COL24A1: variants seen among roughly 807,000 people sequenced by gnomAD.
COL24A1 encodes collagen alpha-1(XXIV) chain.
A neutral mutation model predicts 253.9 loss-of-function variants in COL24A1; 224 were observed. The observed-to-expected ratio is 0.88, with a 90% confidence interval of 0.79 to 0.99. COL24A1 has a LOEUF of 0.99. COL24A1 is among the 50% of genes least tolerant of loss of function. COL24A1 has a pLI of 0.00. For missense variants in COL24A1, 2,131 were observed against 2,068.5 expected, an observed-to-expected ratio of 1.03 and a Z score of -0.59; for synonymous variants, 685 against 673.7, an observed-to-expected ratio of 1.02 and a Z score of -0.26.
At chr1:85,983,598 T>C (rs780257345) in intron 20 of COL24A1, among the ~76,000 whole-genome samples, 1 of 151,956 alleles carries the variant, frequency 6.6e-6, no homozygotes, top group African/African-American at 2.4e-5. Context: ...GACCACATTG[T>C]ATAGCCTCAA....
chr1:85,818,438 T>A (rs1673265046), intron 45 of COL24A1, among the ~76,000 whole-genome samples: 1 of 152,174 alleles, frequency 6.6e-6, no homozygotes, highest in Non-Finnish European at 1.5e-5. Context: ...CAGTAAACAT[T>A]TATTGAGTAT....
intron 5 of COL24A1, among the ~76,000 whole-genome samples, chr1:86,107,504 T>A (rs1213723460): frequency 6.7e-6 from 1 of 148,166 alleles, no homozygotes; most frequent in Non-Finnish European, 1.5e-5. Flanking sequence ...TGTGACACAA[T>A]GGTAATTTAT....
rs896223906 is a variant in COL24A1 at position 85,771,264 on chromosome 1, C to G, written c.4374+4410G>C. Among the ~76,000 whole-genome samples, 4 of 152,112 alleles carry G rather than the reference C, an allele frequency of 2.6e-5. No individual in the cohort carries two copies. In the East Asian group the frequency reaches 7.7e-4, roughly 29 times the overall value. On this transcript the variant is annotated intron_variant, in intron 53 of 59. Transcript: ENST00000370571. ...TTATCCCTCACCTAGCCTCCGACCCCCGACAGGCCCCGGTGTGTGATGTTC... is the reference window on the plus strand; with the variant it reads ...TTATCCCTCACCTAGCCTCCGACCCGCGACAGGCCCCGGTGTGTGATGTTC...
rs192519317 is a variant in COL24A1, at chr1:85,832,420, G to A, written c.3681+6165C>T. Among the ~76,000 whole-genome samples the A allele has an allele frequency of 7.1e-3, 1,077 of 151,916 alleles. 15 individuals are homozygous for A. The highest frequency in any genetic ancestry group is 0.01 in the Middle Eastern group (3 of 294). On this transcript the variant is annotated intron_variant, in intron 43 of 59. Transcript: ENST00000370571. ...ACTTGGCAATGTGGGCTCTTTTTTGGTTCCATATGAACTTTAAAGTAGTTT... is the reference window on the plus strand; with the variant it reads ...ACTTGGCAATGTGGGCTCTTTTTTGATTCCATATGAACTTTAAAGTAGTTT...
chr1:86,048,428 C>T (rs1425865114), intron 11 of COL24A1, among the ~76,000 whole-genome samples: 1 of 151,968 alleles, frequency 6.6e-6, no homozygotes, highest in Non-Finnish European at 1.5e-5. Flanking sequence ...TATTAGGACA[C>T]AGTACCCGTG....
intron 37 of COL24A1, among the ~76,000 whole-genome samples, chr1:85,850,114 A>G (rs979676281): frequency 6.6e-6 from 1 of 152,198 alleles, no homozygotes; most frequent in African/African-American, 2.4e-5. Flanking sequence ...AGCTAAAAGT[A>G]TATTAAAAGT....
intron 5 of COL24A1, among the ~76,000 whole-genome samples, chr1:86,101,434 G>A (rs1384687838): frequency 6.6e-6 from 1 of 152,156 alleles, no homozygotes; most frequent in African/African-American, 2.4e-5. Flanking sequence ...TTGAATAGAA[G>A]TGGTGAGAGA....
At chr1:85,961,390 C>A in intron 23 of COL24A1, 97 bp from the exon 24 acceptor site, 1 of 960,372 alleles carries the variant, frequency 1.0e-6, no homozygotes, top group South Asian at 1.5e-5. Flanking sequence ...ATTATCTAGT[C>A]ATAACCTAGA....
intron 7 of COL24A1, among the ~76,000 whole-genome samples, chr1:86,064,387 T>C (rs1228158490): frequency 6.6e-6 from 1 of 151,998 alleles, no homozygotes. Flanking sequence ...CACCCAAAGC[T>C]ATAAAACAGA....
chr1:85,828,554 G>A (rs1462875543), intron 43 of COL24A1, among the ~76,000 whole-genome samples: 1 of 151,480 alleles, frequency 6.6e-6, no homozygotes, highest in South Asian at 2.1e-4. Flanking sequence ...TTGTGTGGGA[G>A]TCTAAGTCTC....
chr1:85,838,215 G>A (rs550736315), intron 43 of COL24A1, among the ~76,000 whole-genome samples: 3 of 152,136 alleles, frequency 2.0e-5, no homozygotes, highest in African/African-American at 7.2e-5. Flanking sequence ...TTTTGTTGGG[G>A]GAAGACAAAC....
intron 19 of COL24A1, among the ~76,000 whole-genome samples, chr1:85,993,346 T>C (rs1006387631): frequency 2.0e-5 from 3 of 151,860 alleles, no homozygotes; most frequent in African/African-American, 7.3e-5. Context: ...TATACACATA[T>C]ACACAAACTA....
intron 24 of COL24A1, among the ~76,000 whole-genome samples, chr1:85,920,682 C>G (rs1405610212): frequency 6.6e-6 from 1 of 151,604 alleles, no homozygotes; most frequent in African/African-American, 2.4e-5. Context: ...AATGTAATGA[C>G]TGGTATGAGG....
intron 32 of COL24A1, among the ~76,000 whole-genome samples, chr1:85,879,327 T>C (rs965456935): frequency 5.3e-5 from 8 of 152,116 alleles, no homozygotes; most frequent in African/African-American, 1.9e-4. Flanking sequence ...TGGATATCTA[T>C]TTGTTCCAGC....
intron 22 of COL24A1, among the ~76,000 whole-genome samples, chr1:85,968,431 C>T (rs1416627677): frequency 2.0e-5 from 3 of 152,134 alleles, no homozygotes; most frequent in Non-Finnish European, 1.5e-5. Context: ...AAAGCTTTAG[C>T]CACTTACAAC....
At chr1:86,138,505 T>C (rs1177515781) in intron 2 of COL24A1, among the ~76,000 whole-genome samples, 1 of 152,144 alleles carries the variant, frequency 6.6e-6, no homozygotes, top group Non-Finnish European at 1.5e-5. Context: ...TTTCTCGCAA[T>C]AGTGAATGGG....
In COL24A1 at chr1:85,938,540, T is replaced by G. The variant is rs879669707; in HGVS notation, c.2562+22709A>C. 1.0e-4 allele frequency among the ~76,000 whole-genome samples: 15 copies of G among 146,390 alleles called. 1 individual carries two copies. Among genetic ancestry groups the G allele is most frequent in the Admixed American group, 4.8e-4 (7 of 14,496 alleles). Reference sequence around the variant, plus strand: ...AGCTGCAGTGCTAGGGGCTGTAATTTGTATGACTGATTCCTCTTCTAAGCT... The same window carrying G: ...AGCTGCAGTGCTAGGGGCTGTAATTGGTATGACTGATTCCTCTTCTAAGCT... On this transcript the variant is annotated intron_variant, in intron 24 of 59. Coordinates refer to ENST00000370571, the MANE Select transcript of COL24A1 (RefSeq NM_152890.7).
At chr1:85,814,546 TGGCATATATTG>T (rs1333814287) in intron 47 of COL24A1, among the ~76,000 whole-genome samples, 9 of 152,308 alleles carry the variant, frequency 5.9e-5, no homozygotes, top group Non-Finnish European at 1.2e-4. Flanking sequence ...TAAATAAAAA[TGGCATATATTG>T]AAACTGGGCC....
chr1:86,122,217 T>A (rs1647484117), intron 3 of COL24A1, among the ~76,000 whole-genome samples: 1 of 152,066 alleles, frequency 6.6e-6, no homozygotes, highest in Non-Finnish European at 1.5e-5. Context: ...CTGTCTCTTT[T>A]GGCCCTGCTG....
Sources: allele counts gnomAD v4.1 joint callset (sites outside exome capture counted in the v4.1 genomes callset), GRCh38; gene constraint gnomAD v4.1.1; transcripts MANE v1.5; gene names NCBI Gene and HGNC (gene_info 2026-07-23, HGNC 2026-07-21).